The following RELN variants were observed in gnomAD, a reference collection of about 807,000 sequenced individuals.
RELN encodes the protein reelin.
RELN carries 108 observed loss-of-function variants against 427.6 expected under a neutral mutation model. The observed-to-expected ratio is 0.25, with a 90% CI of 0.22 to 0.30. The LOEUF (loss-of-function observed/expected upper bound fraction) is 0.30, where lower values mean the gene tolerates loss of function less well. Ranked by LOEUF, RELN falls within the 10% of genes least tolerant of loss-of-function variation. The probability of loss-of-function intolerance (pLI) is 1.00; values close to 1 mark genes in which losing one functional copy is unlikely to be tolerated. For synonymous variants in RELN, 1,524 were observed against 1,513.4 expected (o/e 1.01, Z -0.16); for missense variants, 3,715 against 4,302.8 (o/e 0.86, Z 3.82).
chr7:103,571,686 A>T (rs1830884736), intron 31 of RELN, among the ~76,000 whole-genome samples: 1 of 152,238 alleles, frequency 6.6e-6, no homozygotes, highest in African/African-American at 2.4e-5. Context: ...AACACGTGGG[A>T]TAGTGTCTTG....
At position 103,986,203 on chromosome 7, in the gene RELN, G is replaced by T. The variant is rs559487309; in HGVS notation, c.226+2928C>A. Among the ~76,000 whole-genome samples the T allele has an allele frequency of 2.0e-5, 3 of 152,162 alleles. No homozygotes were observed. The South Asian group carries it at 6.2e-4, about 32-fold the overall frequency. ...ATAATGCCCTTTCAAAAGAGTCAGA[G>T]ATAACATAATTTAAAAGATATATGA... On this transcript the variant is annotated intron_variant, in intron 1 of 64. Coordinates refer to ENST00000428762, the MANE Select transcript of RELN (RefSeq NM_005045.4).
chr7:103,897,955 G>A (rs3905915), intron 2 of RELN, among the ~76,000 whole-genome samples: 37,329 of 151,894 alleles, frequency 0.25, 4,787 homozygotes, highest in East Asian at 0.42. Flanking sequence ...TGGATTGATC[G>A]CTTTTTAACA....
chr7:103,989,368 C>CGCCGCA lies in RELN; in HGVS notation c.-13_-12insTGCGGC. ...CCACTGCGCTCCATGCCGCCGCCGC[C>CGCCGCA]GCCGCCGCCGCCGCGCGCCCTACGC... On this transcript the variant is annotated 5_prime_UTR_variant, in exon 1 of 65. Coordinates refer to ENST00000428762, the MANE Select transcript of RELN (RefSeq NM_005045.4). The surrounding 1 kb of genome is among the most constrained non-coding windows in gnomAD (Gnocchi z 4.9). 1 of 1,416,984 alleles carries CGCCGCA rather than the reference C, an allele frequency of 7.1e-7. No individual in the cohort carries two copies. The highest frequency in any genetic ancestry group is 9.2e-7 in the Non-Finnish European group (1 of 1,085,964). 87.8% of individuals were successfully genotyped at this position (1,416,984 alleles called of 1,614,324 possible).
At chr7:103,762,833 T>G (rs1791336142) in intron 4 of RELN, among the ~76,000 whole-genome samples, 1 of 152,186 alleles carries the variant, frequency 6.6e-6, no homozygotes, top group Non-Finnish European at 1.5e-5. Context: ...AAGATAGATT[T>G]AAGGCAGCTT....
At chr7:103,694,626 A>T (rs755268080) in intron 10 of RELN, among the ~76,000 whole-genome samples, 79 of 151,892 alleles carry the variant, frequency 5.2e-4, no homozygotes, top group Non-Finnish European at 9.0e-4. Context: ...GTGTTTGGAA[A>T]TTTTTCCGTA....
rs371513265 is a variant in RELN, at chr7:103,607,966, C to T, written c.3008+2729G>A. Among the ~76,000 whole-genome samples, 12 of 152,338 alleles carry T rather than the reference C, an allele frequency of 7.9e-5. No homozygotes were observed. In the East Asian group the frequency reaches 1.3e-3, roughly 17 times the overall value. On this transcript the variant is annotated intron_variant, in intron 22 of 64. Transcript: ENST00000428762. ...ACAATGTAATTTCTCTACGCAGGTA[C>T]ATACATTCAGTATTTTCATTCTAAG... is the stretch of plus-strand genomic sequence containing the variant.
chr7:103,584,163 C>T (rs1174694476), intron 28 of RELN, among the ~76,000 whole-genome samples: 3 of 152,162 alleles, frequency 2.0e-5, no homozygotes, highest in African/African-American at 7.2e-5. Flanking sequence ...GAGTATTGCT[C>T]CCCAGGGAAA....
intron 1 of RELN, among the ~76,000 whole-genome samples, chr7:103,930,427 G>T (rs1035508136): frequency 6.6e-6 from 1 of 151,962 alleles, no homozygotes; most frequent in East Asian, 1.9e-4. Context: ...GGGTTGTGGC[G>T]GGGGACGGGT....
At chr7:103,665,705 T>C (rs1388627270) in intron 11 of RELN, among the ~76,000 whole-genome samples, 1 of 152,148 alleles carries the variant, frequency 6.6e-6, no homozygotes, top group African/African-American at 2.4e-5. Flanking sequence ...ATTTTATTTA[T>C]TCTATGGAAA....
intron 53 of RELN, 32 bp from the exon 54 acceptor site, chr7:103,498,284 A>C (rs748717562): frequency 2.5e-6 from 3 of 1,211,592 alleles, no homozygotes; most frequent in Non-Finnish European, 3.6e-6. Flanking sequence ...TGTGGTTAAA[A>C]AAACAATTTC....
intron 10 of RELN, among the ~76,000 whole-genome samples, chr7:103,688,688 A>T (rs889531536): frequency 6.6e-6 from 1 of 151,910 alleles, no homozygotes; most frequent in East Asian, 1.9e-4. Context: ...ACAGTACTAG[A>T]TGGGTGACAG....
chr7:103,965,350 G>A (rs1471855213), intron 1 of RELN, among the ~76,000 whole-genome samples: 2 of 152,152 alleles, frequency 1.3e-5, no homozygotes, highest in East Asian at 1.9e-4. Context: ...AACCAATGAA[G>A]TGCCTTTGTC....
chr7:103,671,114 C>T (rs530847297), intron 11 of RELN, among the ~76,000 whole-genome samples: 2 of 152,154 alleles, frequency 1.3e-5, no homozygotes, highest in Non-Finnish European at 2.9e-5. Context: ...GAAGACCTTC[C>T]ACATTCATTT....
chr7:103,479,744 G>A (rs1199102241), intron 63 of RELN, among the ~76,000 whole-genome samples: 1 of 152,006 alleles, frequency 6.6e-6, no homozygotes, highest in Non-Finnish European at 1.5e-5. Context: ...GTTCATTTAG[G>A]ATACACTTTT....
At chr7:103,970,482 C>A (rs1351869286) in intron 1 of RELN, among the ~76,000 whole-genome samples, 3 of 151,446 alleles carry the variant, frequency 2.0e-5, no homozygotes, top group Admixed American at 6.6e-5. Context: ...TTTTCTTTTT[C>A]TTTTTTTTTC....
chr7:103,730,354 A>C (rs1790323272), intron 6 of RELN, among the ~76,000 whole-genome samples: 1 of 152,126 alleles, frequency 6.6e-6, no homozygotes, highest in Admixed American at 6.6e-5. Flanking sequence ...TCGCTTAAAC[A>C]GAATTCAGGT....
At chr7:103,502,009 C>T (rs764557792) in intron 52 of RELN, among the ~76,000 whole-genome samples, 21 of 152,164 alleles carry the variant, frequency 1.4e-4, no homozygotes, top group African/African-American at 3.1e-4. Flanking sequence ...CTGAGTATGC[C>T]GCCAGTGCCG....
At chr7:103,665,947 G>C (rs1255915982) in intron 11 of RELN, among the ~76,000 whole-genome samples, 1 of 151,370 alleles carries the variant, frequency 6.6e-6, no homozygotes, top group Admixed American at 6.6e-5. Context: ...TCTGTCTCTA[G>C]TTCAGTATAC....
intron 3 of RELN, 65 bp downstream of exon 3, chr7:103,833,472 G>A (rs1793324099): frequency 7.4e-7 from 1 of 1,355,820 alleles, no homozygotes; most frequent in Non-Finnish European, 1.1e-6. Context: ...TACTCTATAT[G>A]TAATCCCATG....
Sources: allele counts gnomAD v4.1 joint callset (sites outside exome capture counted in the v4.1 genomes callset), GRCh38; gene constraint gnomAD v4.1.1; non-coding constraint Gnocchi (gnomAD v3.1); transcripts MANE v1.5; gene names NCBI Gene and HGNC (gene_info 2026-07-23, HGNC 2026-07-21).